GUCY1A2: variants seen among roughly 807,000 people sequenced by gnomAD.
GUCY1A2 encodes the protein guanylate cyclase soluble subunit alpha-2.
In GUCY1A2, 27 loss-of-function variants were observed where a neutral mutation model predicts 63.5. The ratio of observed to expected loss-of-function variants is 0.43; its 90% CI spans 0.31 to 0.59. The LOEUF (loss-of-function observed/expected upper bound fraction) is 0.59, where lower values mean the gene tolerates loss of function less well. Among genes scored for constraint, GUCY1A2 ranks in the 20% least tolerant of loss-of-function variants. GUCY1A2 has a pLI of 0.11. For synonymous variants in GUCY1A2, 364 were observed against 343.5 expected, an observed-to-expected ratio of 1.06 and a Z score of -0.66; for missense variants, 768 against 913.3, an observed-to-expected ratio of 0.84 and a Z score of 2.05.
intron 4 of GUCY1A2, among the ~76,000 whole-genome samples, chr11:106,820,597 A>C (rs528737743): frequency 2.0e-5 from 3 of 152,140 alleles, no homozygotes; most frequent in African/African-American, 7.2e-5. Context: ...CAGGGTTTAA[A>C]CATGTTGGCC....
At chr11:106,788,235 ATT>A (rs147332058) in intron 5 of GUCY1A2, among the ~76,000 whole-genome samples, 30 of 148,668 alleles carry the variant, frequency 2.0e-4, no homozygotes, top group Non-Finnish European at 3.0e-4. Flanking sequence ...AGATTATTAG[ATT>A]TTTTTTTTTC....
Position 106,708,629 on chromosome 11 carries a change from C to G in GUCY1A2, c.1874G>C (p.Gly625Ala), listed in dbSNP as rs939414950. Residue 625 changes from glycine (G) to alanine (A), a missense_variant, in exon 7 of 8, where the codon GGA becomes GCA. Gly to Ala is a moderately conservative substitution (Grantham distance 60). This residue lies in a region of GUCY1A2 where 150 missense variants were observed against 188.3 expected (regional missense o/e 0.80). Coordinates refer to ENST00000526355, the MANE Select transcript of GUCY1A2 (RefSeq NM_000855.3). ...IGIHSGSVLA[G>A]VVGVRMPRYC... ...ACGTGGCATTCGCACCCCAACAACT[C>G]CAGCCAGCACGGAGCCTGAGTGAAT... The G allele has an allele frequency of 2.5e-6, 4 of 1,610,780 alleles. No homozygotes were observed. In the African/African-American group the frequency reaches 5.4e-5, roughly 22 times the overall value.
chr11:106,856,907 G>A (rs777923232), intron 4 of GUCY1A2, among the ~76,000 whole-genome samples: 6 of 152,214 alleles, frequency 3.9e-5, no homozygotes, highest in Admixed American at 1.3e-4. Context: ...CACTTAAACC[G>A]TACAGTTTAT....
At chr11:106,875,710 C>T (rs1859739489) in intron 4 of GUCY1A2, among the ~76,000 whole-genome samples, 1 of 152,034 alleles carries the variant, frequency 6.6e-6, no homozygotes, top group South Asian at 2.1e-4. Context: ...TACTCTGATA[C>T]TAAATGACCA....
chr11:106,801,899 C>T (rs771158573), intron 5 of GUCY1A2, among the ~76,000 whole-genome samples: 11 of 152,098 alleles, frequency 7.2e-5, no homozygotes, highest in Non-Finnish European at 5.9e-5. Context: ...GAAGGGACAT[C>T]ATAACACCTA....
intron 4 of GUCY1A2, among the ~76,000 whole-genome samples, chr11:106,844,189 G>T (rs903408987): frequency 1.3e-5 from 2 of 151,640 alleles, no homozygotes; most frequent in African/African-American, 2.4e-5. Flanking sequence ...TTAACCTCAG[G>T]TACTAATTTA....
chr11:106,898,392 C>A (rs751152313), intron 4 of GUCY1A2, among the ~76,000 whole-genome samples: 2 of 152,186 alleles, frequency 1.3e-5, no homozygotes, highest in African/African-American at 4.8e-5. Context: ...AAAACCTGCA[C>A]AATGGATGTT....
In GUCY1A2 at chr11:106,675,537, A is replaced by G. The variant is rs984919765; in HGVS notation, c.*12012T>C. The G allele has an allele frequency of 6.6e-5, 13 of 197,248 alleles. No individual in the cohort carries two copies. In the East Asian group the frequency reaches 1.0e-3, roughly 15 times the overall value. 12.2% of individuals were successfully genotyped at this position (197,248 alleles called of 1,614,324 possible). On this transcript the variant is annotated 3_prime_UTR_variant, in exon 8 of 8. Transcript: ENST00000526355. The stretch of plus-strand genomic sequence containing the variant: ...TAGTAGAAGGCAATAAAATAGAGGG[A>G]AAAATGGGACTGTGGATTACAACTG...
chr11:106,776,208 C>T (rs1864354679), intron 6 of GUCY1A2, among the ~76,000 whole-genome samples: 1 of 152,102 alleles, frequency 6.6e-6, no homozygotes, highest in African/African-American at 2.4e-5. Context: ...TCTTTTAGCT[C>T]TTTCTTTCCT....
At chr11:106,789,033 C>T (rs1864613755) in intron 5 of GUCY1A2, among the ~76,000 whole-genome samples, 1 of 152,186 alleles carries the variant, frequency 6.6e-6, no homozygotes, top group Non-Finnish European at 1.5e-5. Context: ...AATCCATCAA[C>T]ATGAAATATA....
chr11:106,964,730 A>G lies in GUCY1A2; in HGVS notation c.487+13889T>C, dbSNP rs184255691. On this transcript the variant is annotated intron_variant, in intron 3 of 7. Transcript: ENST00000526355. The stretch of plus-strand genomic sequence containing the variant: ...TGAGGTGCCTCATGCCTGTAATCCC[A>G]GCACTTTGGGAGGCCAAGGCGGGCG... Among the ~76,000 whole-genome samples the G allele has an allele frequency of 2.5e-3, 378 of 152,350 alleles. 2 individuals are homozygous for G. The highest frequency in any genetic ancestry group is 8.6e-3 in the African/African-American group (357 of 41,586).
chr11:106,842,770 T>G (rs1351672780), intron 4 of GUCY1A2, among the ~76,000 whole-genome samples: 1 of 151,844 alleles, frequency 6.6e-6, no homozygotes, highest in Non-Finnish European at 1.5e-5. Flanking sequence ...CCTGTTAGAA[T>G]GTAGATTTTG....
chr11:106,917,316 G>C (rs1273449729), intron 4 of GUCY1A2, among the ~76,000 whole-genome samples: 1 of 145,468 alleles, frequency 6.9e-6, no homozygotes, highest in Non-Finnish European at 1.5e-5. Context: ...AGGAAAAGAT[G>C]CAAGATTGGG....
intron 5 of GUCY1A2, among the ~76,000 whole-genome samples, chr11:106,787,598 G>GGGGAGGGGGGA (rs1306634840): frequency 1.4e-5 from 2 of 146,652 alleles, no homozygotes; most frequent in Admixed American, 6.9e-5. Flanking sequence ...GGAAGGGAAG[G>GGGGAGGGGGGA]GAAAAAGAGA....
chr11:106,733,363 TAATG>T (rs1227932517), intron 6 of GUCY1A2, among the ~76,000 whole-genome samples: 1 of 152,142 alleles, frequency 6.6e-6, no homozygotes, highest in African/African-American at 2.4e-5. Context: ...TAACAATGTT[TAATG>T]AATATTACTG....
chr11:106,760,655 TC>T (rs1330696526), intron 6 of GUCY1A2, among the ~76,000 whole-genome samples: 1 of 152,126 alleles, frequency 6.6e-6, no homozygotes, highest in African/African-American at 2.4e-5. Flanking sequence ...TTTTTAAAGA[TC>T]TGGTATTTTC....
intron 5 of GUCY1A2, among the ~76,000 whole-genome samples, chr11:106,807,511 A>G (rs1282048653): frequency 6.6e-6 from 1 of 152,114 alleles, no homozygotes; most frequent in Admixed American, 6.6e-5. Context: ...TCCAGTCTGG[A>G]TCTCCCAAAC....
chr11:106,960,362 C>A (rs1353962708), intron 3 of GUCY1A2, among the ~76,000 whole-genome samples: 1 of 152,072 alleles, frequency 6.6e-6, no homozygotes, highest in East Asian at 1.9e-4. Flanking sequence ...ACCAGGAACA[C>A]TAAGGAATTA....
At chr11:106,752,632 T>G (rs891049312) in intron 6 of GUCY1A2, among the ~76,000 whole-genome samples, 1 of 152,174 alleles carries the variant, frequency 6.6e-6, no homozygotes, top group Non-Finnish European at 1.5e-5. Flanking sequence ...GTCCTTGTGA[T>G]AGTTTGCTGA....
Sources: allele counts gnomAD v4.1 joint callset (sites outside exome capture counted in the v4.1 genomes callset), GRCh38; gene constraint gnomAD v4.1.1; regional missense constraint gnomAD v4.1.1; transcripts MANE v1.5; gene names NCBI Gene and HGNC (gene_info 2026-07-23, HGNC 2026-07-21).